CCSER1: variants seen among roughly 807,000 people sequenced by gnomAD.
CCSER1 encodes coiled-coil serine rich protein 1.
CCSER1 carries 41 observed loss-of-function variants against 82.0 expected under a neutral mutation model. That is an observed-to-expected ratio of 0.50 (90% CI 0.39 to 0.65). The LOEUF (loss-of-function observed/expected upper bound fraction) is 0.65. Among genes scored for constraint, CCSER1 ranks in the 30% least tolerant of loss-of-function variants. The pLI is 0.00. For synonymous variants in CCSER1, 414 were observed against 383.9 expected (o/e 1.08, Z -0.92); for missense variants, 1,119 against 1,064.2 (o/e 1.05, Z -0.72).
At chr4:90,410,662 C>T (rs895674222) in intron 4 of CCSER1, among the ~76,000 whole-genome samples, 2 of 151,788 alleles carry the variant, frequency 1.3e-5, no homozygotes, top group Non-Finnish European at 2.9e-5. Flanking sequence ...CACTAAATGC[C>T]CACAAGAGAA....
At chr4:90,475,918 C>A (rs924322058) in intron 5 of CCSER1, among the ~76,000 whole-genome samples, 3 of 152,166 alleles carry the variant, frequency 2.0e-5, no homozygotes, top group Admixed American at 2.0e-4. Flanking sequence ...AGCAGGAATG[C>A]ATTAGCTGTA....
intron 10 of CCSER1, among the ~76,000 whole-genome samples, chr4:91,295,484 A>G (rs1460845283): frequency 6.6e-6 from 1 of 151,956 alleles, no homozygotes; most frequent in African/African-American, 2.4e-5. Context: ...CTAAATGGTT[A>G]TATATTTTTT....
chr4:91,260,267 T>A (rs1272860425), intron 10 of CCSER1, among the ~76,000 whole-genome samples: 1 of 152,154 alleles, frequency 6.6e-6, no homozygotes, highest in African/African-American at 2.4e-5. Context: ...TCCAACAGCA[T>A]AACACACTGT....
chr4:91,104,389 G>A (rs949143986), intron 10 of CCSER1, among the ~76,000 whole-genome samples: 1 of 152,058 alleles, frequency 6.6e-6, no homozygotes, highest in Non-Finnish European at 1.5e-5. Context: ...GGGCATCACG[G>A]TCCTACCGAT....
intron 1 of CCSER1, among the ~76,000 whole-genome samples, chr4:90,177,902 C>G (rs1159440946): frequency 2.0e-5 from 3 of 152,008 alleles, no homozygotes; most frequent in Admixed American, 2.0e-4. Context: ...TGTCCCTAAT[C>G]TGAAATCCAA....
At chr4:90,453,841 G>T (rs923039742) in intron 4 of CCSER1, among the ~76,000 whole-genome samples, 10 of 152,168 alleles carry the variant, frequency 6.6e-5, no homozygotes, top group South Asian at 2.1e-4. Flanking sequence ...CTGGAGTGGA[G>T]AACTTAAAGG....
Position 90,308,678 on chromosome 4 carries a change from A to G in CCSER1, c.394A>G (p.Thr132Ala). The part of the protein sequence containing the change: ...SRNKKITRSL[T>A]EDFEREKEHS... ...AAATAAGAAGATAACAAGATCTTTG[A>G]CAGAGGATTTTGAAAGGGAAAAAGA... The change falls in exon 2 of 11, where the codon ACA (threonine) becomes GCA (alanine). Residue 132 changes from threonine to alanine, a missense_variant. Transcript: ENST00000509176. 6.2e-7 allele frequency: 1 copy of G among 1,613,580 alleles called. No homozygotes were observed. Among genetic ancestry groups the G allele is most frequent in the Admixed American group, 1.7e-5 (1 of 59,872 alleles).
At chr4:90,763,849 A>G (rs1054468165) in intron 7 of CCSER1, among the ~76,000 whole-genome samples, 1 of 152,038 alleles carries the variant, frequency 6.6e-6, no homozygotes, top group African/African-American at 2.4e-5. Context: ...TTCTTCTCCT[A>G]TCTACTTTAG....
chr4:90,848,627 T>C (rs1460612600), intron 8 of CCSER1, among the ~76,000 whole-genome samples: 1 of 152,192 alleles, frequency 6.6e-6, no homozygotes, highest in African/African-American at 2.4e-5. Flanking sequence ...GAAGACCTAA[T>C]AACAATCAGT....
rs561761129 is a variant in CCSER1, at chr4:90,640,549, C to T, written c.1932+12317C>T. On this transcript the variant is annotated intron_variant, in intron 6 of 10. Transcript: ENST00000509176. ...AATCTAGCATAGTGATCACAGGATA[C>T]AGTTATGATATGATTAGGCTTTACG... is the stretch of plus-strand genomic sequence containing the variant. Among the ~76,000 whole-genome samples the T allele has an allele frequency of 3.4e-4, 51 of 152,160 alleles. 1 individual carries two copies. The South Asian group carries it at 0.011, about 32-fold the overall frequency.
chr4:90,327,622 A>G (rs536133545), intron 3 of CCSER1, among the ~76,000 whole-genome samples: 25 of 152,228 alleles, frequency 1.6e-4, no homozygotes, highest in Admixed American at 1.5e-3. Context: ...CATGTACTTT[A>G]GCCATTATAA....
intron 7 of CCSER1, among the ~76,000 whole-genome samples, chr4:90,729,077 T>C (rs931574226): frequency 2.0e-5 from 3 of 152,246 alleles, no homozygotes; most frequent in Non-Finnish European, 2.9e-5. Context: ...CCAGTTATTT[T>C]GTGTCCAAAT....
chr4:90,377,064 G>A (rs569429498), intron 3 of CCSER1, among the ~76,000 whole-genome samples: 3 of 152,190 alleles, frequency 2.0e-5, no homozygotes, highest in Middle Eastern at 3.4e-3. Context: ...GGCACTCAGG[G>A]AACAGGCACC....
At chr4:91,557,982 G>A (rs1200195610) in intron 10 of CCSER1, among the ~76,000 whole-genome samples, 1 of 150,412 alleles carries the variant, frequency 6.6e-6, no homozygotes, top group Non-Finnish European at 1.5e-5. Context: ...GATATTAATG[G>A]GGTAAATTAA....
At chr4:91,175,293 G>T (rs981524822) in intron 10 of CCSER1, among the ~76,000 whole-genome samples, 5 of 152,138 alleles carry the variant, frequency 3.3e-5, no homozygotes, top group Non-Finnish European at 5.9e-5. Context: ...ATGTATGCAT[G>T]TGACTTTATA....
rs1010022675 is a variant in CCSER1 at position 90,603,251 on chromosome 4, C to T, written c.1725-24774C>T. The stretch of plus-strand genomic sequence containing the variant: ...ATTATTTGCTATCAGGTTATCTGGA[C>T]GTGCAGACAGAGCCAGGTAAGCTGA... On this transcript the variant is annotated intron_variant, in intron 5 of 10. Transcript: ENST00000509176. 4.6e-5 allele frequency among the ~76,000 whole-genome samples: 7 copies of T among 152,208 alleles called. 1 individual carries two copies. In the South Asian group the frequency reaches 1.0e-3, roughly 22 times the overall value.
intron 10 of CCSER1, among the ~76,000 whole-genome samples, chr4:91,274,504 C>T (rs1316070074): frequency 6.6e-6 from 1 of 152,040 alleles, no homozygotes; most frequent in African/African-American, 2.4e-5. Flanking sequence ...TTTCCCAGGC[C>T]CTAGTATTTA....
At chr4:91,314,630 C>T (rs867937619) in intron 10 of CCSER1, among the ~76,000 whole-genome samples, 1 of 151,914 alleles carries the variant, frequency 6.6e-6, no homozygotes, top group Non-Finnish European at 1.5e-5. Flanking sequence ...AACATACTAA[C>T]AAAAGCTTTC....
intron 6 of CCSER1, among the ~76,000 whole-genome samples, chr4:90,716,131 A>C (rs181701542): frequency 0.015 from 2,264 of 151,762 alleles, 59 homozygotes; most frequent in African/African-American, 0.052. Context: ...TCTATTTTTA[A>C]CCATATAACA....
Sources: gnomAD v4.1 joint callset for allele counts (sites outside exome capture counted in the v4.1 genomes callset) on GRCh38, gnomAD v4.1.1 for gene constraint, MANE v1.5 for transcripts, NCBI Gene and HGNC (gene_info 2026-07-23, HGNC 2026-07-21) for gene names.